CSMD1: variants seen among roughly 807,000 people sequenced by gnomAD.
The protein encoded by CSMD1 is CUB and Sushi multiple domains 1.
CSMD1 carries 213 observed loss-of-function variants against 417.5 expected under a neutral mutation model. That is an observed-to-expected ratio of 0.51 (90% CI 0.46 to 0.57). CSMD1 has a LOEUF of 0.57. Ranked by LOEUF, CSMD1 falls within the 20% of genes least tolerant of loss-of-function variation. The pLI is 0.00. For missense variants in CSMD1, 6,923 were observed against 4,529.7 expected (o/e 1.53, Z -15.17); for synonymous variants, 2,862 against 1,736.8 (o/e 1.65, Z -16.11).
intron 7 of CSMD1, among the ~76,000 whole-genome samples, chr8:3,632,949 T>A (rs1796856348): frequency 6.6e-6 from 1 of 152,254 alleles, no homozygotes; most frequent in Non-Finnish European, 1.5e-5. Flanking sequence ...TTCAGAAGTA[T>A]AAATTACACT....
intron 3 of CSMD1, among the ~76,000 whole-genome samples, chr8:4,157,112 G>A (rs1054593353): frequency 5.3e-5 from 8 of 152,186 alleles, no homozygotes; most frequent in African/African-American, 1.9e-4. Context: ...TGCCTATCTT[G>A]TGGAAACCCT....
chr8:3,690,489 A>G (rs1310592934), intron 7 of CSMD1, among the ~76,000 whole-genome samples: 5 of 152,240 alleles, frequency 3.3e-5, no homozygotes, highest in African/African-American at 1.2e-4. Flanking sequence ...GGGGCAATAC[A>G]ATGTCTGTAC....
At chr8:3,619,063 C>T (rs1320778272) in intron 7 of CSMD1, among the ~76,000 whole-genome samples, 4 of 151,770 alleles carry the variant, frequency 2.6e-5, no homozygotes, top group Non-Finnish European at 4.4e-5. Context: ...AGATTGCAAA[C>T]CCATGGGTAC....
In CSMD1 at chr8:4,140,352, G is replaced by A. The variant is rs577080716; in HGVS notation, c.416-108253C>T. ...TCTCTACTAAAACAATACAAAATTA[G>A]CTGGGAATGGTGGCACATGCCTGTA... On this transcript the variant is annotated intron_variant, in intron 3 of 69. Transcript: ENST00000635120. Among the ~76,000 whole-genome samples, 143 of 151,028 alleles carry A rather than the reference G, an allele frequency of 9.5e-4. 9 individuals are homozygous for A. The highest frequency in any genetic ancestry group is 3.5e-3 in the African/African-American group (140 of 40,416).
intron 31 of CSMD1, 27 bp from the exon 32 acceptor site, chr8:3,201,752 C>T (rs962056734): frequency 7.2e-7 from 1 of 1,383,680 alleles, no homozygotes; most frequent in African/African-American, 1.4e-5. Context: ...GGGATGTTGG[C>T]ACAAGATGCT....
intron 3 of CSMD1, among the ~76,000 whole-genome samples, chr8:4,042,829 A>AAAAAAAAAAAAAAAAAAAAAAAAAAAAC: frequency 6.9e-6 from 1 of 143,992 alleles, no homozygotes; most frequent in Non-Finnish European, 1.5e-5. Context: ...AAAAAAAAAA[A>AAAAAAAAAAAAAAAAAAAAAAAAAAAAC]AAAAAAAAAA....
chr8:3,125,745 G>A (rs575391001), intron 41 of CSMD1, among the ~76,000 whole-genome samples: 2 of 152,336 alleles, frequency 1.3e-5, no homozygotes, highest in South Asian at 4.1e-4. Flanking sequence ...GGGAGGCCGA[G>A]GTGGGCAGAT....
chr8:4,609,671 C>T (rs182808638), intron 2 of CSMD1, among the ~76,000 whole-genome samples: 39 of 152,180 alleles, frequency 2.6e-4, no homozygotes, highest in Non-Finnish European at 4.3e-4. Context: ...AAAGATTTTA[C>T]GCTGCAGATT....
chr8:4,763,798 C>A (rs1485182302), intron 1 of CSMD1, among the ~76,000 whole-genome samples: 1 of 152,110 alleles, frequency 6.6e-6, no homozygotes, highest in Admixed American at 6.5e-5. Context: ...ATCTAAAAGA[C>A]TGCAATTAAA....
At chr8:3,891,299 C>T (rs1404721472) in intron 5 of CSMD1, among the ~76,000 whole-genome samples, 1 of 152,098 alleles carries the variant, frequency 6.6e-6, no homozygotes, top group Non-Finnish European at 1.5e-5. Context: ...ATCTACCTGC[C>T]TCAACCTCCC....
intron 1 of CSMD1, among the ~76,000 whole-genome samples, chr8:4,710,275 T>A (rs1327137202): frequency 2.0e-5 from 3 of 151,760 alleles, no homozygotes; most frequent in Non-Finnish European, 4.4e-5. Flanking sequence ...TATATACATT[T>A]GCATGTTAAA....
At chr8:4,961,422 T>C (rs1223522739) in intron 1 of CSMD1, among the ~76,000 whole-genome samples, 1 of 152,164 alleles carries the variant, frequency 6.6e-6, no homozygotes, top group African/African-American at 2.4e-5. Context: ...ACAGGCTCTT[T>C]ACTCCTTGAA....
At chr8:3,702,339 A>C (rs1413893386) in intron 7 of CSMD1, 1 of 152,174 alleles carries the variant, frequency 6.6e-6, no homozygotes, top group Non-Finnish European at 1.5e-5. Flanking sequence ...ACATGTGGGG[A>C]AAATCTCTAC....
At chr8:3,540,430 T>G (rs1563135636) in intron 10 of CSMD1, among the ~76,000 whole-genome samples, 1 of 152,102 alleles carries the variant, frequency 6.6e-6, no homozygotes, top group Non-Finnish European at 1.5e-5. Flanking sequence ...ATAAAAACCC[T>G]AGAATAAAAT....
chr8:4,150,065 G>C (rs959999725), intron 3 of CSMD1, among the ~76,000 whole-genome samples: 2 of 152,158 alleles, frequency 1.3e-5, no homozygotes, highest in East Asian at 1.9e-4. Context: ...GGGTGAAGAA[G>C]TTAATGTAAG....
At chr8:3,536,013 G>C (rs935067670) in intron 10 of CSMD1, among the ~76,000 whole-genome samples, 2 of 152,162 alleles carry the variant, frequency 1.3e-5, no homozygotes, top group Non-Finnish European at 2.9e-5. Context: ...GAAACAAAAA[G>C]TGACCTCCTC....
intron 12 of CSMD1, among the ~76,000 whole-genome samples, chr8:3,411,699 T>TAC (rs1563360950): frequency 7.5e-6 from 1 of 133,076 alleles, no homozygotes; most frequent in Non-Finnish European, 1.7e-5. Context: ...TATACACACG[T>TAC]ATATATACAC....
chr8:3,645,616 G>T (rs752370508), intron 7 of CSMD1, among the ~76,000 whole-genome samples: 7 of 152,118 alleles, frequency 4.6e-5, no homozygotes. Flanking sequence ...AGGGATCATG[G>T]GAAGAGTCGG....
intron 10 of CSMD1, among the ~76,000 whole-genome samples, chr8:3,550,872 T>G (rs1051202874): frequency 3.9e-5 from 6 of 152,212 alleles, no homozygotes; most frequent in Non-Finnish European, 5.9e-5. Flanking sequence ...TGCATTCCCA[T>G]GTTGCCAATC....
Sources: gnomAD v4.1 joint callset for allele counts (sites outside exome capture counted in the v4.1 genomes callset) on GRCh38, gnomAD v4.1.1 for gene constraint, MANE v1.5 for transcripts, NCBI Gene and HGNC (gene_info 2026-07-23, HGNC 2026-07-21) for gene names.